The following RARB variants were observed in gnomAD, a reference collection of about 807,000 sequenced individuals.
RARB encodes the protein retinoic acid receptor beta.
A neutral mutation model predicts 51.9 loss-of-function variants in RARB; 17 were observed. The observed-to-expected ratio is 0.33, with a 90% confidence interval of 0.22 to 0.49. The LOEUF is 0.49. RARB is among the 20% of genes least tolerant of loss of function. The pLI is 0.99. For synonymous variants in RARB, 215 were observed against 195.4 expected, an observed-to-expected ratio of 1.10 and a Z score of -0.84; for missense variants, 369 against 550.8, an observed-to-expected ratio of 0.67 and a Z score of 3.30.
At chr3:25,100,821 C>T (rs549261483) in intron 3 of RARB, among the ~76,000 whole-genome samples, 1 of 152,284 alleles carries the variant, frequency 6.6e-6, no homozygotes, top group East Asian at 1.9e-4. Context: ...TTTAAGCCAT[C>T]TCTCACATGT....
chr3:24,901,985 A>AAT (rs1406026108), intron 2 of RARB, among the ~76,000 whole-genome samples: 2 of 151,308 alleles, frequency 1.3e-5, no homozygotes, highest in African/African-American at 2.4e-5. Flanking sequence ...CTAATATAGC[A>AAT]ATATATATAA....
intron 3 of RARB, among the ~76,000 whole-genome samples, chr3:25,073,263 C>T (rs1698806621): frequency 6.6e-6 from 1 of 152,202 alleles, no homozygotes; most frequent in African/African-American, 2.4e-5. Context: ...TGTGAAAGTG[C>T]AGTTCCGGTG....
chr3:24,905,108 A>C (rs1216848814), intron 2 of RARB, among the ~76,000 whole-genome samples: 1 of 152,218 alleles, frequency 6.6e-6, no homozygotes, highest in Non-Finnish European at 1.5e-5. Context: ...CACGTTCTGC[A>C]CATGTATCCC....
At chr3:25,282,048 C>T (rs1444345754) in intron 5 of RARB, among the ~76,000 whole-genome samples, 3 of 152,056 alleles carry the variant, frequency 2.0e-5, no homozygotes, top group Non-Finnish European at 2.9e-5. Context: ...TAGATAAGAG[C>T]GAGTATAAAA....
intron 2 of RARB, among the ~76,000 whole-genome samples, chr3:24,907,096 C>G (rs1426067706): frequency 1.3e-5 from 2 of 152,062 alleles, no homozygotes; most frequent in African/African-American, 4.8e-5. Flanking sequence ...GGAGCACCCC[C>G]CATGTGATAG....
At chr3:25,076,148 T>A (rs1698866291) in intron 3 of RARB, among the ~76,000 whole-genome samples, 1 of 17,500 alleles carries the variant, frequency 5.7e-5, no homozygotes, top group African/African-American at 1.2e-4. Flanking sequence ...AGTTATTTAT[T>A]TTTTTTTTTT....
At chr3:24,895,992 A>G (rs78519288) in intron 2 of RARB, among the ~76,000 whole-genome samples, 445 of 152,318 alleles carry the variant, frequency 2.9e-3, no homozygotes, top group African/African-American at 1.0e-2. Flanking sequence ...GGATGAACAA[A>G]TATTGTCTAT....
In RARB at chr3:25,428,522, C is replaced by G. The variant is rs756610050; in HGVS notation, c.-210C>G. ...CCCCGGCTGGATTGGCCGAGCAAGC[C>G]TGGAAAATGGTAAATGATCATTTGG... On this transcript the variant is annotated 5_prime_UTR_variant, in exon 1 of 8. Transcript: ENST00000330688. 96 of 1,275,230 alleles carry G rather than the reference C, an allele frequency of 7.5e-5. No homozygotes were observed. The highest frequency in any genetic ancestry group is 8.6e-5 in the Non-Finnish European group (87 of 1,011,312). 79.0% of individuals were successfully genotyped at this position (1,275,230 alleles called of 1,614,324 possible).
chr3:25,235,538 A>G (rs370361472), intron 5 of RARB, among the ~76,000 whole-genome samples: 1 of 152,162 alleles, frequency 6.6e-6, no homozygotes, highest in Admixed American at 6.5e-5. Context: ...TTGAATTTCA[A>G]CTGCCTTTTT....
intron 2 of RARB, among the ~76,000 whole-genome samples, chr3:24,888,230 A>G (rs1165517650): frequency 6.6e-6 from 1 of 152,184 alleles, no homozygotes; most frequent in Non-Finnish European, 1.5e-5. Flanking sequence ...TAACTATAAC[A>G]CAAATAATGA....
At chr3:25,314,781 A>G (rs928137496) in intron 5 of RARB, among the ~76,000 whole-genome samples, 14 of 152,152 alleles carry the variant, frequency 9.2e-5, no homozygotes, top group Non-Finnish European at 1.8e-4. Context: ...TTTGGGGTAT[A>G]ATTGATCCTA....
chr3:25,455,115 G>C (rs1390865777), intron 1 of RARB, among the ~76,000 whole-genome samples: 1 of 152,204 alleles, frequency 6.6e-6, no homozygotes, highest in Non-Finnish European at 1.5e-5. Context: ...GCAATCCGGA[G>C]ACCTGTGCCC....
chr3:25,202,255 G>A (rs952027358), intron 5 of RARB, among the ~76,000 whole-genome samples: 3 of 152,078 alleles, frequency 2.0e-5, no homozygotes, highest in African/African-American at 7.2e-5. Context: ...ATGGTAGTTT[G>A]TATTTATGTG....
chr3:24,987,709 T>A (rs1696824943), intron 2 of RARB, among the ~76,000 whole-genome samples: 1 of 152,220 alleles, frequency 6.6e-6, no homozygotes, highest in Non-Finnish European at 1.5e-5. Flanking sequence ...CAAATTTGAC[T>A]CCACATACTT....
intron 5 of RARB, among the ~76,000 whole-genome samples, chr3:25,237,065 A>G (rs887928114): frequency 1.3e-5 from 2 of 151,560 alleles, no homozygotes; most frequent in Non-Finnish European, 2.9e-5. Context: ...ATCTTACGCT[A>G]TTATCATAAT....
chr3:24,958,254 G>GGTTTTGTTTTTTT (rs1321125356), intron 2 of RARB, among the ~76,000 whole-genome samples: 3 of 67,446 alleles, frequency 4.4e-5, no homozygotes, highest in East Asian at 1.0e-3. Context: ...GAGCTGCTCA[G>GGTTTTGTTTTTTT]GTTTTTTTTT....
Position 25,383,022 on chromosome 3 carries a change from G to A in RARB, c.179-78171G>A, listed in dbSNP as rs145144652. Among the ~76,000 whole-genome samples, 830 of 152,260 alleles carry A rather than the reference G, an allele frequency of 5.5e-3. 5 individuals carry two copies. The highest frequency in any genetic ancestry group is 0.019 in the African/African-American group (779 of 41,554). Reference sequence around the variant, plus strand: ...TGAGAACATCTAGATTAGGAGGCCCGTTGTTAACAATAGCACCTAAGAGCA... The same window carrying A: ...TGAGAACATCTAGATTAGGAGGCCCATTGTTAACAATAGCACCTAAGAGCA... On this transcript the variant is annotated intron_variant, in intron 5 of 11. Transcript: ENST00000383772.
rs150116902 is a variant in RARB at position 25,418,044 on chromosome 3, C to G, written c.179-43149C>G. ...ACTTGGTAGGGAAGGGGCAAGATAG[C>G]AAGTGGAAGGTGGGAAATTAAGGAA... On this transcript the variant is annotated intron_variant, in intron 5 of 11. Coordinates refer to the RARB transcript ENST00000383772. 3.5e-4 allele frequency among the ~76,000 whole-genome samples: 54 copies of G among 152,202 alleles called. 1 individual carries two copies. The highest frequency in any genetic ancestry group is 1.3e-3 in the African/African-American group (54 of 41,532).
intron 1 of RARB, among the ~76,000 whole-genome samples, chr3:25,440,397 G>C (rs539482914): frequency 2.6e-4 from 39 of 151,428 alleles, no homozygotes; most frequent in Non-Finnish European, 4.1e-4. Flanking sequence ...CAGTGAGCCG[G>C]GATTGCACCA....
Sources: allele counts gnomAD v4.1 joint callset (sites outside exome capture counted in the v4.1 genomes callset), GRCh38; gene constraint gnomAD v4.1.1; transcripts MANE v1.5; gene names NCBI Gene and HGNC (gene_info 2026-07-23, HGNC 2026-07-21).